The following JAZF1 variants were observed in gnomAD, a reference collection of about 807,000 sequenced individuals.
JAZF1 encodes juxtaposed with another zinc finger protein 1.
A neutral mutation model predicts 26.4 loss-of-function variants in JAZF1; 8 were observed. The ratio of observed to expected loss-of-function variants is 0.30; its 90% confidence interval spans 0.18 to 0.55. The LOEUF (loss-of-function observed/expected upper bound fraction) is 0.55. Among genes scored for constraint, JAZF1 ranks in the 20% least tolerant of loss-of-function variants. The pLI, the probability that JAZF1 is intolerant of heterozygous loss-of-function variation, is 0.94. For missense variants in JAZF1, 199 were observed against 322.0 expected (o/e 0.62, Z 2.92); for synonymous variants, 126 against 122.3 (o/e 1.03, Z -0.20).
chr7:27,939,420 G>A (rs1385532195), intron 2 of JAZF1, among the ~76,000 whole-genome samples: 1 of 152,208 alleles, frequency 6.6e-6, no homozygotes, highest in East Asian at 1.9e-4. Flanking sequence ...CCTTTGCAGG[G>A]TGTGGTTCCC....
chr7:27,866,610 T>G (rs889249016), intron 3 of JAZF1, among the ~76,000 whole-genome samples: 1 of 152,212 alleles, frequency 6.6e-6, no homozygotes, highest in Admixed American at 6.5e-5. Flanking sequence ...TTAATCAGTA[T>G]TTTTAAATTA....
chr7:28,159,439 G>A (rs982438844), intron 1 of JAZF1, among the ~76,000 whole-genome samples: 2 of 151,880 alleles, frequency 1.3e-5, no homozygotes, highest in African/African-American at 2.4e-5. Flanking sequence ...GAGGAGGACC[G>A]TGAGTGGGTG....
At chr7:28,147,202 C>T (rs1342040852) in intron 1 of JAZF1, among the ~76,000 whole-genome samples, 1 of 151,994 alleles carries the variant, frequency 6.6e-6, no homozygotes, top group Non-Finnish European at 1.5e-5. Flanking sequence ...ACTGGTTGAG[C>T]ATCCCTAATC....
At chr7:27,950,079 T>C (rs979600030) in intron 2 of JAZF1, among the ~76,000 whole-genome samples, 10 of 152,254 alleles carry the variant, frequency 6.6e-5, no homozygotes, top group East Asian at 3.8e-4. Context: ...TTGTGAAACA[T>C]TGGCATCATT....
rs139794727 is a variant in JAZF1 at position 28,170,693 on chromosome 7, C to A, written c.115+9770G>T. 5.9e-3 allele frequency among the ~76,000 whole-genome samples: 903 copies of A among 152,256 alleles called. 10 individuals carry two copies. The highest frequency in any genetic ancestry group is 9.2e-3 in the Non-Finnish European group (623 of 68,010). On this transcript the variant is annotated intron_variant, in intron 1 of 4. Coordinates refer to ENST00000283928, the MANE Select transcript of JAZF1 (RefSeq NM_175061.4). Reference sequence around the variant, plus strand: ...TATGTCATCAACCATCCATACTGCTCCCATCGACACTGCTCTTGGTGGAAA... The same window carrying A: ...TATGTCATCAACCATCCATACTGCTACCATCGACACTGCTCTTGGTGGAAA...
At chr7:28,009,591 C>A (rs553352976) in intron 1 of JAZF1, among the ~76,000 whole-genome samples, 1 of 151,882 alleles carries the variant, frequency 6.6e-6, no homozygotes, top group East Asian at 1.9e-4. Flanking sequence ...TCAAGCAATT[C>A]TCCTGCCTCA....
chr7:27,997,329 C>T (rs956725251), intron 1 of JAZF1, among the ~76,000 whole-genome samples: 1 of 152,080 alleles, frequency 6.6e-6, no homozygotes, highest in Non-Finnish European at 1.5e-5. Flanking sequence ...GGGGAGAGCG[C>T]AGGGCTGAGA....
chr7:28,039,390 CAG>C (rs1783351185), intron 1 of JAZF1, among the ~76,000 whole-genome samples: 1 of 152,100 alleles, frequency 6.6e-6, no homozygotes, highest in African/African-American at 2.4e-5. Context: ...AAGAAAAAGT[CAG>C]AAAGAAGTGT....
chr7:28,143,451 A>C (rs1782984965), intron 1 of JAZF1, among the ~76,000 whole-genome samples: 1 of 152,178 alleles, frequency 6.6e-6, no homozygotes, highest in Non-Finnish European at 1.5e-5. Context: ...ACAAAGCATC[A>C]CACTGTATTA....
intron 1 of JAZF1, among the ~76,000 whole-genome samples, chr7:28,062,053 G>A (rs557769864): frequency 9.9e-5 from 15 of 152,160 alleles, no homozygotes; most frequent in South Asian, 6.2e-4. Flanking sequence ...AAGGTAGAGC[G>A]TGAACCCTGC....
At chr7:27,993,303 T>C (rs1562552424) in intron 1 of JAZF1, among the ~76,000 whole-genome samples, 1 of 152,194 alleles carries the variant, frequency 6.6e-6, no homozygotes, top group Non-Finnish European at 1.5e-5. Flanking sequence ...GTTTTGGCAC[T>C]GCAAATGAGA....
intron 3 of JAZF1, among the ~76,000 whole-genome samples, chr7:27,849,956 C>T (rs1015012420): frequency 6.6e-6 from 1 of 152,032 alleles, no homozygotes; most frequent in Admixed American, 6.5e-5. Context: ...GGAGATGGCC[C>T]AATTCTGTTT....
intron 1 of JAZF1, among the ~76,000 whole-genome samples, chr7:28,009,793 T>C (rs988119212): frequency 3.9e-5 from 6 of 152,304 alleles, no homozygotes; most frequent in East Asian, 1.9e-4. Context: ...CCGGTCACCA[T>C]TGCGTTTTTT....
At chr7:27,997,816 C>A (rs1450153750) in intron 1 of JAZF1, among the ~76,000 whole-genome samples, 1 of 152,026 alleles carries the variant, frequency 6.6e-6, no homozygotes, top group African/African-American at 2.4e-5. Flanking sequence ...TCAAGCAATC[C>A]TCTTGCCTCG....
chr7:28,081,284 T>C (rs774118238), intron 1 of JAZF1, among the ~76,000 whole-genome samples: 3 of 152,224 alleles, frequency 2.0e-5, no homozygotes, highest in Middle Eastern at 3.4e-3. Flanking sequence ...GGAAGCCACA[T>C]GCAGATAAAC....
chr7:27,916,926 C>T (rs1026557749), intron 2 of JAZF1, among the ~76,000 whole-genome samples: 1 of 152,204 alleles, frequency 6.6e-6, no homozygotes, highest in Non-Finnish European at 1.5e-5. Context: ...AATTTACAAA[C>T]ACCTAATCCA....
At chr7:28,049,532 A>T (rs972778337) in intron 1 of JAZF1, among the ~76,000 whole-genome samples, 2 of 152,122 alleles carry the variant, frequency 1.3e-5, no homozygotes, top group Admixed American at 1.3e-4. Context: ...TTATGACACT[A>T]ATCAGAGTTA....
At chr7:28,009,213 TA>T (rs1302361108) in intron 1 of JAZF1, among the ~76,000 whole-genome samples, 2 of 151,680 alleles carry the variant, frequency 1.3e-5, no homozygotes, top group Non-Finnish European at 2.9e-5. Flanking sequence ...GGCTTGGTTT[TA>T]AAAGGAATGC....
intron 1 of JAZF1, among the ~76,000 whole-genome samples, chr7:28,056,011 T>C (rs1023432999): frequency 3.5e-4 from 54 of 152,278 alleles, no homozygotes; most frequent in African/African-American, 1.3e-3. Flanking sequence ...TACAGCTACA[T>C]AGTAGCCTGT....
Sources: gnomAD v4.1 joint callset for allele counts (sites outside exome capture counted in the v4.1 genomes callset) on GRCh38, gnomAD v4.1.1 for gene constraint, MANE v1.5 for transcripts, NCBI Gene and HGNC (gene_info 2026-07-23, HGNC 2026-07-21) for gene names.